Variants in COG5 observed in about 807,000 individuals in gnomAD.
COG5 encodes the protein conserved oligomeric Golgi complex subunit 5.
A neutral mutation model predicts 110.4 loss-of-function variants in COG5; 86 were observed. The observed-to-expected ratio is 0.78, with a 90% CI of 0.65 to 0.93. The LOEUF is 0.93. Ranked by LOEUF, COG5 falls within the 40% of genes least tolerant of loss-of-function variation. The pLI is 0.00. For missense variants in COG5, 1,077 were observed against 987.0 expected (o/e 1.09, Z -1.22); for synonymous variants, 360 against 334.6 (o/e 1.08, Z -0.83).
intron 5 of COG5, among the ~76,000 whole-genome samples, chr7:107,537,781 A>G (rs1391843245): frequency 6.6e-6 from 1 of 152,122 alleles, no homozygotes; most frequent in Admixed American, 6.6e-5. Flanking sequence ...GGATTATTTG[A>G]ATAGACATGT....
intron 6 of COG5, among the ~76,000 whole-genome samples, chr7:107,436,635 C>A (rs1055494186): frequency 1.3e-5 from 2 of 151,954 alleles, no homozygotes; most frequent in Admixed American, 6.6e-5. Flanking sequence ...CAAAAAAGTT[C>A]TATTTTATGT....
At chr7:107,466,261 G>A (rs1796291880) in intron 6 of COG5, among the ~76,000 whole-genome samples, 1 of 152,122 alleles carries the variant, frequency 6.6e-6, no homozygotes, top group Non-Finnish European at 1.5e-5. Flanking sequence ...AAGTAGACAT[G>A]CCAACAGTTG....
intron 6 of COG5, among the ~76,000 whole-genome samples, chr7:107,476,643 A>T (rs1797013510): frequency 6.6e-6 from 1 of 151,746 alleles, no homozygotes; most frequent in African/African-American, 2.4e-5. Flanking sequence ...ATAATGTAAT[A>T]ATCTATCGAT....
chr7:107,319,228 T>G (rs1419728248), intron 11 of COG5, among the ~76,000 whole-genome samples: 1 of 152,192 alleles, frequency 6.6e-6, no homozygotes, highest in Non-Finnish European at 1.5e-5. Flanking sequence ...TTTAAAATAT[T>G]TGAGCACATT....
intron 7 of COG5, among the ~76,000 whole-genome samples, chr7:107,382,580 G>A (rs1815217873): frequency 6.6e-6 from 1 of 152,034 alleles, no homozygotes; most frequent in Non-Finnish European, 1.5e-5. Context: ...TGGGAATATA[G>A]GTGCCCACCA....
intron 6 of COG5, chr7:107,471,807 A>G (rs1425746792): frequency 1.3e-5 from 2 of 151,974 alleles, no homozygotes; most frequent in African/African-American, 2.4e-5. Context: ...GGTATGACTA[A>G]TGGATTTTTC....
intron 1 of COG5, among the ~76,000 whole-genome samples, chr7:107,559,588 G>A (rs1431451100): frequency 6.6e-6 from 1 of 152,154 alleles, no homozygotes; most frequent in Non-Finnish European, 1.5e-5. Context: ...TGTATCATTA[G>A]TATCATTCTG....
rs115766711 is a variant in COG5 at position 107,389,643 on chromosome 7, C to T, written c.670-16883G>A. Among the ~76,000 whole-genome samples the T allele has an allele frequency of 5.3e-3, 808 of 152,308 alleles. 9 individuals carry two copies. The highest frequency in any genetic ancestry group is 0.019 in the African/African-American group (786 of 41,558). ...GCCTCCAGTGAGGCAACTATAACAT[C>T]TTAGACTGGAGCCCCCACGGCCATT... On this transcript the variant is annotated intron_variant, in intron 7 of 21. Coordinates refer to ENST00000297135, the MANE Select transcript of COG5 (RefSeq NM_006348.5).
chr7:107,413,900 A>G (rs1792499913), intron 6 of COG5, among the ~76,000 whole-genome samples: 1 of 152,228 alleles, frequency 6.6e-6, no homozygotes, highest in South Asian at 2.1e-4. Context: ...AGATACTAAA[A>G]TCCGAAGAAT....
intron 10 of COG5, among the ~76,000 whole-genome samples, chr7:107,326,985 G>A (rs1809820472): frequency 6.6e-6 from 1 of 151,970 alleles, no homozygotes; most frequent in Non-Finnish European, 1.5e-5. Flanking sequence ...CAGCCAGCCT[G>A]GGCAACAAAG....
At chr7:107,472,292 A>G (rs1449627140) in intron 6 of COG5, 1 of 151,964 alleles carries the variant, frequency 6.6e-6, no homozygotes, top group Non-Finnish European at 1.5e-5. Context: ...CAGCTACTTC[A>G]CTGTTGTCAG....
chr7:107,554,224 C>G, intron 3 of COG5, 61 bp downstream of exon 3: 1 of 1,487,622 alleles, frequency 6.7e-7, no homozygotes, highest in Non-Finnish European at 9.4e-7. Context: ...AAGTAGCTTG[C>G]CAAAGCTTGC....
At chr7:107,248,280 T>C (rs374545241) in intron 17 of COG5, 116 bp downstream of exon 17, 53 of 739,756 alleles carry the variant, frequency 7.2e-5, no homozygotes, top group East Asian at 5.4e-4. Flanking sequence ...ACTAATGCCA[T>C]CACAAAAGGA....
intron 17 of COG5, among the ~76,000 whole-genome samples, chr7:107,243,845 A>C (rs1801845837): frequency 2.0e-5 from 3 of 152,234 alleles, no homozygotes; most frequent in Admixed American, 1.3e-4. Context: ...CAATAAAAAC[A>C]GAAGTCAAGA....
chr7:107,234,851 G>A (rs1801055351), intron 18 of COG5, among the ~76,000 whole-genome samples: 1 of 152,064 alleles, frequency 6.6e-6, no homozygotes, highest in African/African-American at 2.4e-5. Context: ...TGGAACCCCA[G>A]TAAGGGACAA....
intron 17 of COG5, among the ~76,000 whole-genome samples, chr7:107,244,675 A>G (rs1038138838): frequency 6.6e-6 from 1 of 152,164 alleles, no homozygotes; most frequent in Non-Finnish European, 1.5e-5. Flanking sequence ...AGAAACCTCT[A>G]AACCCAAAAA....
chr7:107,539,479 TG>T (rs1489269023), intron 5 of COG5, among the ~76,000 whole-genome samples: 1 of 152,214 alleles, frequency 6.6e-6, no homozygotes, highest in Non-Finnish European at 1.5e-5. Flanking sequence ...TGAAATGTCC[TG>T]AATAGGGAAA....
At chr7:107,286,282 A>G (rs137864839) in intron 12 of COG5, among the ~76,000 whole-genome samples, 1 of 152,300 alleles carries the variant, frequency 6.6e-6, no homozygotes, top group Non-Finnish European at 1.5e-5. Flanking sequence ...TTGCATATCT[A>G]TAAGGGTGGT....
intron 10 of COG5, among the ~76,000 whole-genome samples, chr7:107,342,166 T>C (rs1050817655): frequency 2.6e-5 from 4 of 151,832 alleles, no homozygotes; most frequent in African/African-American, 9.7e-5. Flanking sequence ...AGGAACTTAA[T>C]TCAACAGTCA....
Sources: allele counts gnomAD v4.1 joint callset (sites outside exome capture counted in the v4.1 genomes callset), GRCh38; gene constraint gnomAD v4.1.1; transcripts MANE v1.5; gene names NCBI Gene and HGNC (gene_info 2026-07-23, HGNC 2026-07-21).